Variants in ZFHX3 observed in about 807,000 individuals in gnomAD.
The protein encoded by ZFHX3 is zinc finger homeobox 3, also known as zinc finger homeobox protein 3.
Under a neutral mutation model 279.1 loss-of-function variants are expected in ZFHX3, and 42 were observed. The ratio of observed to expected loss-of-function variants is 0.15; its 90% confidence interval spans 0.12 to 0.19. The LOEUF is 0.19. ZFHX3 is among the 10% of genes least tolerant of loss of function. ZFHX3 has a pLI of 1.00. For synonymous variants in ZFHX3, 2,293 were observed against 1,957.8 expected, an observed-to-expected ratio of 1.17 and a Z score of -4.52; for missense variants, 4,981 against 4,754.0, an observed-to-expected ratio of 1.05 and a Z score of -1.40.
chr16:73,480,784 G>C (rs2018852253), intron 2 of ZFHX3, among the ~76,000 whole-genome samples: 1 of 152,030 alleles, frequency 6.6e-6, no homozygotes, highest in African/African-American at 2.4e-5. Context: ...ACACTAGCTT[G>C]TTCCATTTTT....
chr16:73,235,802 C>T (rs1213015384), intron 5 of ZFHX3, among the ~76,000 whole-genome samples: 2 of 152,040 alleles, frequency 1.3e-5, no homozygotes, highest in East Asian at 3.9e-4. Context: ...TCCAGAGCGG[C>T]TGGGACTATA....
intron 5 of ZFHX3, among the ~76,000 whole-genome samples, chr16:73,235,403 A>T (rs758432048): frequency 5.3e-5 from 8 of 151,540 alleles, no homozygotes; most frequent in Non-Finnish European, 8.8e-5. Context: ...TATTTTAACC[A>T]CTCTATCCTC....
chr16:73,794,702 A>G (rs900703723), intron 1 of ZFHX3, among the ~76,000 whole-genome samples: 1 of 152,250 alleles, frequency 6.6e-6, no homozygotes, highest in Non-Finnish European at 1.5e-5. Context: ...CATCTTTCCT[A>G]TTTAACCAAT....
intron 1 of ZFHX3, among the ~76,000 whole-genome samples, chr16:73,776,045 T>G (rs1959236086): frequency 6.6e-6 from 1 of 152,206 alleles, no homozygotes; most frequent in Non-Finnish European, 1.5e-5. Flanking sequence ...CAGACCTGAC[T>G]TAACAGACAA....
intron 3 of ZFHX3, among the ~76,000 whole-genome samples, chr16:73,354,554 C>A (rs2016303118): frequency 1.3e-5 from 2 of 152,192 alleles, no homozygotes; most frequent in African/African-American, 4.8e-5. Context: ...ATGCCTGTTA[C>A]CAGCATGGCC....
rs185431435 is a variant in ZFHX3 at position 73,339,653 on chromosome 16, T to C, written c.-1290-21317A>G. Among the ~76,000 whole-genome samples the C allele has an allele frequency of 6.1e-4, 93 of 152,326 alleles. 1 individual carries two copies. The highest frequency in any genetic ancestry group is 1.9e-3 in the African/African-American group (80 of 41,590). ...TGGGAGCGGGTTGCTTATTCAACCA[T>C]TGAGATAAGCCAACTAATCAACCAT... On this transcript the variant is annotated intron_variant, in intron 3 of 17. Coordinates refer to the ZFHX3 transcript ENST00000641206.
intron 4 of ZFHX3, among the ~76,000 whole-genome samples, chr16:73,315,322 T>A (rs1382015908): frequency 6.6e-6 from 1 of 152,188 alleles, no homozygotes; most frequent in Non-Finnish European, 1.5e-5. Context: ...GCACAAGTAC[T>A]CACGTTGTTG....
chr16:73,876,804 CTTTG>C (rs1382983206), intron 1 of ZFHX3, among the ~76,000 whole-genome samples: 1 of 152,080 alleles, frequency 6.6e-6, no homozygotes, highest in Non-Finnish European at 1.5e-5. Context: ...CTAGAATGAG[CTTTG>C]TTTCTTTTTT....
chr16:73,392,418 C>CAAAAAAAAAAAAAAA (rs35019692), intron 3 of ZFHX3, among the ~76,000 whole-genome samples: 23 of 35,794 alleles, frequency 6.4e-4, no homozygotes, highest in South Asian at 1.3e-3. Flanking sequence ...GACCCTGTCT[C>CAAAAAAAAAAAAAAA]AAAAAAAAAA....
chr16:73,500,959 C>T (rs1247997408), intron 2 of ZFHX3, among the ~76,000 whole-genome samples: 5 of 152,222 alleles, frequency 3.3e-5, no homozygotes, highest in African/African-American at 1.2e-4. Context: ...TGGCCTAGGC[C>T]GTCACACTCA....
intron 4 of ZFHX3, 40 bp from the exon 5 acceptor site, chr16:72,829,899 A>G (rs774921211): frequency 3.1e-6 from 5 of 1,610,602 alleles, no homozygotes. Flanking sequence ...TAAAAATAAA[A>G]AGAAGATGAA....
At chr16:73,809,905 T>C (rs1358952974) in intron 1 of ZFHX3, among the ~76,000 whole-genome samples, 1 of 152,152 alleles carries the variant, frequency 6.6e-6, no homozygotes, top group East Asian at 1.9e-4. Flanking sequence ...CTGTGGCCAC[T>C]TACCTATGCT....
intron 5 of ZFHX3, among the ~76,000 whole-genome samples, chr16:73,187,362 G>T (rs1487856535): frequency 1.3e-5 from 2 of 150,144 alleles, no homozygotes; most frequent in Non-Finnish European, 1.5e-5. Context: ...TTTTAAATTG[G>T]GCTGATGCAA....
intron 1 of ZFHX3, among the ~76,000 whole-genome samples, chr16:73,687,610 A>C (rs989432905): frequency 6.6e-6 from 1 of 151,462 alleles, no homozygotes. Flanking sequence ...TTGGGAGGCC[A>C]AGGCAGGTGG....
At chr16:73,790,276 T>G (rs958296278) in intron 1 of ZFHX3, among the ~76,000 whole-genome samples, 41 of 152,088 alleles carry the variant, frequency 2.7e-4, no homozygotes, top group African/African-American at 9.7e-4. Context: ...TTTTTTTTTT[T>G]TTCATTTTTG....
intron 1 of ZFHX3, among the ~76,000 whole-genome samples, chr16:73,706,996 T>G (rs766526377): frequency 6.6e-5 from 10 of 152,204 alleles, no homozygotes; most frequent in Non-Finnish European, 1.5e-4. Flanking sequence ...GTTTTGTGTT[T>G]TTAAATCAAA....
At chr16:73,815,569 T>G (rs1376899998) in intron 1 of ZFHX3, 2 of 152,090 alleles carry the variant, frequency 1.3e-5, no homozygotes, top group Non-Finnish European at 2.9e-5. Flanking sequence ...CCTTTTTTTT[T>G]TTTTCTTTTT....
At chr16:73,388,669 C>A (rs538318810) in intron 3 of ZFHX3, among the ~76,000 whole-genome samples, 1 of 152,288 alleles carries the variant, frequency 6.6e-6, no homozygotes, top group South Asian at 2.1e-4. Flanking sequence ...TCGAAGACTT[C>A]CTGATGTTCC....
chr16:73,653,684 A>T (rs1047179624), intron 2 of ZFHX3, among the ~76,000 whole-genome samples: 1 of 152,172 alleles, frequency 6.6e-6, no homozygotes, highest in Admixed American at 6.5e-5. Context: ...AAACCCACCC[A>T]AAACAAACAA....
Sources: allele counts gnomAD v4.1 joint callset (sites outside exome capture counted in the v4.1 genomes callset), GRCh38; gene constraint gnomAD v4.1.1; transcripts MANE v1.5; gene names NCBI Gene and HGNC (gene_info 2026-07-23, HGNC 2026-07-21).